Variants in ARPC3 observed in about 807,000 individuals in gnomAD.
ARPC3 encodes actin-related protein 2/3 complex subunit 3.
Under a neutral mutation model 27.6 loss-of-function variants are expected in ARPC3, and 12 were observed. That is an observed-to-expected ratio of 0.43 (90% CI 0.28 to 0.70). The LOEUF is 0.70. ARPC3 is among the 30% of genes least tolerant of loss of function. The pLI, the probability that ARPC3 is intolerant of heterozygous loss-of-function variation, is 0.17. For synonymous variants in ARPC3, 53 were observed against 67.2 expected, an observed-to-expected ratio of 0.79 and a Z score of 1.03; for missense variants, 153 against 207.7, an observed-to-expected ratio of 0.74 and a Z score of 1.62.
At chr12:110,442,375 A>T (rs1000120781) in intron 2 of ARPC3, among the ~76,000 whole-genome samples, 1 of 152,170 alleles carries the variant, frequency 6.6e-6, no homozygotes, top group Non-Finnish European at 1.5e-5. Context: ...TGGGAGGCTG[A>T]GGCGGATGGA....
intron 6 of ARPC3, among the ~76,000 whole-genome samples, chr12:110,435,470 C>T (rs1322053570): frequency 3.3e-5 from 5 of 152,050 alleles, no homozygotes; most frequent in African/African-American, 9.7e-5. Flanking sequence ...GCTGGGACTA[C>T]AGGCGCCTGC....
intron 2 of ARPC3, chr12:110,445,140 G>A (rs1249349756): frequency 6.7e-5 from 21 of 314,054 alleles, no homozygotes; most frequent in Non-Finnish European, 1.0e-4. Flanking sequence ...CAGAAAGGAT[G>A]GGCATGTGGC....
chr12:110,449,590 A>C (rs987748937), intron 1 of ARPC3, among the ~76,000 whole-genome samples: 9 of 152,136 alleles, frequency 5.9e-5, no homozygotes, highest in African/African-American at 2.2e-4. Context: ...AGTGTGAACA[A>C]TCACATAATA....
intron 3 of ARPC3, among the ~76,000 whole-genome samples, chr12:110,439,964 A>C (rs1176183136): frequency 2.0e-5 from 3 of 152,342 alleles, no homozygotes; most frequent in Non-Finnish European, 4.4e-5. Flanking sequence ...TTTGTGGGCC[A>C]TACAGTCTTT....
intron 1 of ARPC3, among the ~76,000 whole-genome samples, chr12:110,446,300 T>TA: frequency 6.8e-6 from 1 of 147,930 alleles, no homozygotes; most frequent in South Asian, 2.1e-4. Context: ...CTTCCTAATT[T>TA]TTTTTTTTTT....
At chr12:110,439,199 T>C (rs1323379350) in intron 3 of ARPC3, among the ~76,000 whole-genome samples, 1 of 152,018 alleles carries the variant, frequency 6.6e-6, no homozygotes, top group Non-Finnish European at 1.5e-5. Context: ...TTGGCCAGGC[T>C]GGTCTCAAAC....
Position 110,434,853 on chromosome 12 carries a change from A to G in ARPC3, c.*302T>C. On this transcript the variant is annotated 3_prime_UTR_variant, in exon 7 of 7. Transcript: ENST00000228825. ...TATGGAATGTGAATTTTATCTCAAA[A>G]CAAATTGTAAGTGAATGTCAAAGAC... 1 of 539,766 alleles carries G rather than the reference A, an allele frequency of 1.9e-6. No individual in the cohort carries two copies. The highest frequency in any genetic ancestry group is 1.7e-5 in the South Asian group (1 of 58,668). The allele number at this position is 539,766 out of a possible 1,614,324, so 33.4% of individuals were successfully genotyped here.
At chr12:110,445,405 G>T (rs773600754) in intron 2 of ARPC3, 47 bp downstream of exon 2, 1 of 1,351,434 alleles carries the variant, frequency 7.4e-7, no homozygotes, top group Non-Finnish European at 1.1e-6. Flanking sequence ...TCAGAAGATT[G>T]TTAGGCATTT....
chr12:110,437,390 C>T (rs1462241664), intron 3 of ARPC3: 8 of 444,960 alleles, frequency 1.8e-5, no homozygotes, highest in Non-Finnish European at 2.5e-5. Flanking sequence ...TTTTTTGAGA[C>T]GGAGTCTTGC....
chr12:110,443,291 TG>T (rs1226274472), intron 2 of ARPC3, among the ~76,000 whole-genome samples: 4 of 151,466 alleles, frequency 2.6e-5, no homozygotes, highest in Non-Finnish European at 5.9e-5. Flanking sequence ...GCTAATTTTT[TG>T]TATTTTTAGT....
In ARPC3 at chr12:110,440,302, CGT is replaced by C; in HGVS notation, c.183+8_183+9del. 2 of 1,575,520 alleles carry C rather than the reference CGT, an allele frequency of 1.3e-6. No homozygotes were observed. Among genetic ancestry groups the C allele is most frequent in the Non-Finnish European group, 1.7e-6 (2 of 1,145,802 alleles). Reference sequence around the variant, plus strand: ...AAACTAAGTTAAATATTAAAAGCTCCGTAATTTACCTTAATTTCATAGTTTTT... The same window carrying C: ...AAACTAAGTTAAATATTAAAAGCTCCAATTTACCTTAATTTCATAGTTTTT... On this transcript the variant is annotated splice_region_variant and intron_variant, in intron 3 of 6. Coordinates refer to ENST00000228825, the MANE Select transcript of ARPC3 (RefSeq NM_001278556.2).
chr12:110,447,242 G>A (rs2062469540), intron 1 of ARPC3, among the ~76,000 whole-genome samples: 1 of 152,210 alleles, frequency 6.6e-6, no homozygotes, highest in South Asian at 2.1e-4. Flanking sequence ...GTGGGTAGGT[G>A]TGTGTTAAAG....
chr12:110,449,617 C>T (rs745337944), intron 1 of ARPC3, among the ~76,000 whole-genome samples: 5 of 152,136 alleles, frequency 3.3e-5, no homozygotes, highest in Admixed American at 2.0e-4. Context: ...CCACCTTTTC[C>T]CGAATCTGCA....
At chr12:110,449,691 C>G (rs1465418364) in intron 1 of ARPC3, among the ~76,000 whole-genome samples, 2 of 152,152 alleles carry the variant, frequency 1.3e-5, no homozygotes, top group Non-Finnish European at 2.9e-5. Context: ...TAAGTACAAC[C>G]AGGCCGTCAT....
At position 110,449,716 on chromosome 12, in the gene ARPC3, A is replaced by T. The variant is rs539367637; in HGVS notation, c.6+539T>A. ...CAGGCCGTCATAATTTTTTACTCCC[A>T]CTCTGATGGCACACGAAAAAGGAAA... On this transcript the variant is annotated intron_variant, in intron 1 of 6. Transcript: ENST00000228825. Among the ~76,000 whole-genome samples the T allele has an allele frequency of 3.3e-5, 5 of 152,160 alleles. No individual in the cohort carries two copies. In the East Asian group the frequency reaches 9.6e-4, roughly 29 times the overall value.
intron 5 of ARPC3, 67 bp downstream of exon 5, chr12:110,436,490 G>T: frequency 6.3e-7 from 1 of 1,598,666 alleles, no homozygotes; most frequent in African/African-American, 1.3e-5. Context: ...GAAAAAGAGG[G>T]GTGGTAGGAA....
At chr12:110,435,749 G>A (rs538373837) in intron 6 of ARPC3, among the ~76,000 whole-genome samples, 69 of 152,098 alleles carry the variant, frequency 4.5e-4, no homozygotes, top group Middle Eastern at 3.4e-3. Flanking sequence ...TCAGCCTCCT[G>A]AGTAGCTGAG....
intron 2 of ARPC3, chr12:110,440,595 G>A: frequency 2.1e-6 from 1 of 471,474 alleles, no homozygotes; most frequent in Non-Finnish European, 3.9e-6. Context: ...CACCCAGGCT[G>A]GAGTGCAGTG....
intron 3 of ARPC3, 73 bp downstream of exon 3, chr12:110,440,239 G>A: frequency 2.0e-6 from 2 of 1,020,512 alleles, no homozygotes; most frequent in African/African-American, 1.6e-5. Flanking sequence ...TCTCCTCACA[G>A]CAATCTGGAT....
Sources: allele counts gnomAD v4.1 joint callset (sites outside exome capture counted in the v4.1 genomes callset), GRCh38; gene constraint gnomAD v4.1.1; transcripts MANE v1.5; gene names NCBI Gene and HGNC (gene_info 2026-07-23, HGNC 2026-07-21).